MYT1L: variants seen among roughly 807,000 people sequenced by gnomAD.
MYT1L encodes myelin transcription factor 1-like protein.
Under a neutral mutation model 126.7 loss-of-function variants are expected in MYT1L, and 12 were observed. That is an observed-to-expected ratio of 0.09 (90% CI 0.06 to 0.15). The LOEUF is 0.15. Ranked by LOEUF, MYT1L falls within the 10% of genes least tolerant of loss-of-function variation. The pLI is 1.00. For missense variants in MYT1L, 979 were observed against 1,585.2 expected (o/e 0.62, Z 6.49); for synonymous variants, 541 against 604.2 (o/e 0.90, Z 1.53).
chr2:2,048,431 T>C (rs1433668576), intron 4 of MYT1L, among the ~76,000 whole-genome samples: 2 of 152,210 alleles, frequency 1.3e-5, no homozygotes, highest in African/African-American at 2.4e-5. Flanking sequence ...AGAAATTCTC[T>C]TGTGGAAAAT....
Position 1,806,608 on chromosome 2 carries a change from T to C in MYT1L, c.3172+2468A>G, listed in dbSNP as rs2147962307. On this transcript the variant is annotated intron_variant, in intron 22 of 24. Coordinates refer to ENST00000647738, the MANE Select transcript of MYT1L (RefSeq NM_001303052.2). This position sits in a 1 kb window ranked among gnomAD's most constrained non-coding sequence, Gnocchi z 4.9. ...TGAATTAACTCCTTGTGTGCAGCAG[T>C]AATAGGAATGTCTAGTGCCCTCAAT... 6.6e-6 allele frequency among the ~76,000 whole-genome samples: 1 copy of C among 152,240 alleles called. No homozygotes were observed. Among genetic ancestry groups the C allele is most frequent in the Non-Finnish European group, 1.5e-5 (1 of 68,024 alleles).
At chr2:2,038,725 T>C (rs1206708259) in intron 4 of MYT1L, among the ~76,000 whole-genome samples, 4 of 152,104 alleles carry the variant, frequency 2.6e-5, no homozygotes, top group African/African-American at 9.7e-5. Flanking sequence ...CTCCCTGGCA[T>C]GTGGAAAGGT....
chr2:2,265,372 A>T (rs1201650708), intron 2 of MYT1L, among the ~76,000 whole-genome samples: 1 of 151,790 alleles, frequency 6.6e-6, no homozygotes, highest in South Asian at 2.1e-4. Flanking sequence ...GGTTGTCATT[A>T]GAGTTAAATA....
At chr2:2,006,617 T>C (rs1835886) in intron 4 of MYT1L, among the ~76,000 whole-genome samples, 19,057 of 152,102 alleles carry the variant, frequency 0.13, 1,444 homozygotes, top group African/African-American at 0.19. Flanking sequence ...ACTCTGTCAA[T>C]CAGGCTGGAG....
intron 4 of MYT1L, among the ~76,000 whole-genome samples, chr2:2,037,626 C>T (rs551072579): frequency 6.6e-6 from 1 of 151,650 alleles, no homozygotes; most frequent in African/African-American, 2.4e-5. Flanking sequence ...CATGGTGGTG[C>T]ATGCCTGTAA....
chr2:1,950,770 G>A (rs369142201), intron 8 of MYT1L, among the ~76,000 whole-genome samples: 3 of 152,188 alleles, frequency 2.0e-5, no homozygotes, highest in African/African-American at 4.8e-5. Flanking sequence ...CCTAGGAGCC[G>A]TGGGAGCTCC....
intron 2 of MYT1L, among the ~76,000 whole-genome samples, chr2:2,280,997 G>T (rs1219071218): frequency 2.6e-5 from 4 of 152,168 alleles, no homozygotes; most frequent in Non-Finnish European, 5.9e-5. Flanking sequence ...GTACACAACC[G>T]TGGTGATATG....
rs1319300235 is a variant in MYT1L at position 1,929,918 on chromosome 2, C to T, written c.506-6655G>A. 6.6e-6 allele frequency among the ~76,000 whole-genome samples: 1 copy of T among 152,154 alleles called. No individual in the cohort carries two copies. Among genetic ancestry groups the T allele is most frequent in the African/African-American group, 2.4e-5 (1 of 41,430 alleles). Reference sequence around the variant, plus strand: ...TTTCCTCTACCTTTCAAAACCGGGACATATTCGGAGGGTCACAACGCAGTG... The same window carrying T: ...TTTCCTCTACCTTTCAAAACCGGGATATATTCGGAGGGTCACAACGCAGTG... On this transcript the variant is annotated intron_variant, in intron 9 of 24. Transcript: ENST00000647738. The surrounding 1 kb of genome is among the most constrained non-coding windows in gnomAD (Gnocchi z 4.7).
At chr2:2,298,344 T>C (rs551872899) in intron 1 of MYT1L, among the ~76,000 whole-genome samples, 91 of 152,284 alleles carry the variant, frequency 6.0e-4, no homozygotes, top group Middle Eastern at 3.4e-3. Context: ...TGATAAGAGA[T>C]GCAATGAGAG....
Position 1,922,201 on chromosome 2 carries a change from C to A in MYT1L, c.1483+85G>T, listed in dbSNP as rs767612692. 3.3e-6 allele frequency: 5 copies of A among 1,517,022 alleles called. No individual in the cohort carries two copies. The highest frequency in any genetic ancestry group is 1.8e-6 in the Non-Finnish European group (2 of 1,125,548). The allele number at this position is 1,517,022 out of a possible 1,614,324, so 94.0% of individuals were successfully genotyped here. A position where few individuals can be genotyped will look rare whatever the true frequency, so the allele number is the denominator to read the frequency against. On this transcript the variant is annotated intron_variant, in intron 10 of 24. Coordinates refer to ENST00000647738, the MANE Select transcript of MYT1L (RefSeq NM_001303052.2). The surrounding 1 kb of genome is among the most constrained non-coding windows in gnomAD (Gnocchi z 7.4). ...AGTAGAGACATAATTCAGTGTGAGTCACACTTTAACTGTAGACTACCACCA... is the reference window on the plus strand; with the variant it reads ...AGTAGAGACATAATTCAGTGTGAGTAACACTTTAACTGTAGACTACCACCA...
intron 2 of MYT1L, among the ~76,000 whole-genome samples, chr2:2,226,116 G>A (rs1030558839): frequency 3.9e-5 from 6 of 152,006 alleles, no homozygotes; most frequent in East Asian, 1.9e-4. Context: ...ATCTAGAGGC[G>A]GCAATGCAGG....
In MYT1L at chr2:1,793,631, G is replaced by C. The variant is rs553765579; in HGVS notation, c.3277-1167C>G. ...CCAGACCCTCTGTTAGAAAACTGAA[G>C]CACCTCAGAGGCGCCCTCCAGGATG... On this transcript the variant is annotated intron_variant, in intron 23 of 24. Transcript: ENST00000647738. The surrounding 1 kb of genome is among the most constrained non-coding windows in gnomAD (Gnocchi z 4.6). Among the ~76,000 whole-genome samples the C allele has an allele frequency of 6.6e-6, 1 of 152,306 alleles. No homozygotes were observed. Among genetic ancestry groups the C allele is most frequent in the Non-Finnish European group, 1.5e-5 (1 of 68,030 alleles).
At chr2:2,286,175 G>T (rs2095517400) in intron 1 of MYT1L, among the ~76,000 whole-genome samples, 1 of 152,106 alleles carries the variant, frequency 6.6e-6, no homozygotes, top group Non-Finnish European at 1.5e-5. Context: ...TAGAGACGGG[G>T]TTTCACCATG....
At chr2:2,196,543 T>C (rs11895765) in intron 2 of MYT1L, among the ~76,000 whole-genome samples, 6,051 of 151,242 alleles carry the variant, frequency 0.04, 421 homozygotes, top group African/African-American at 0.14. Context: ...CACATTATAA[T>C]ATGTGGTTTA....
chr2:2,235,064 C>T (rs1307645274), intron 2 of MYT1L, among the ~76,000 whole-genome samples: 1 of 152,174 alleles, frequency 6.6e-6, no homozygotes, highest in Non-Finnish European at 1.5e-5. Flanking sequence ...TGTCATAACC[C>T]ACCAATTTCT....
chr2:2,061,389 C>T (rs911817808), intron 3 of MYT1L, among the ~76,000 whole-genome samples: 60 of 152,226 alleles, frequency 3.9e-4, no homozygotes, highest in African/African-American at 1.4e-3. Flanking sequence ...CCCCTCTAAG[C>T]CGTTCTATTT....
intron 3 of MYT1L, among the ~76,000 whole-genome samples, chr2:2,116,677 C>T (rs2080246338): frequency 6.6e-6 from 1 of 152,242 alleles, no homozygotes; most frequent in African/African-American, 2.4e-5. Context: ...TTAGAAGATG[C>T]CTCTCAGATT....
At chr2:1,951,487 G>A (rs1020792547) in intron 8 of MYT1L, among the ~76,000 whole-genome samples, 1 of 152,118 alleles carries the variant, frequency 6.6e-6, no homozygotes, top group African/African-American at 2.4e-5. Context: ...ACAGACCTTC[G>A]GTCACATCCA....
intron 2 of MYT1L, among the ~76,000 whole-genome samples, chr2:2,219,565 T>C (rs1164997143): frequency 1.3e-5 from 2 of 152,260 alleles, no homozygotes; most frequent in Non-Finnish European, 2.9e-5. Context: ...ATGCTTATAC[T>C]GGTCCAAGCA....
Sources: allele counts gnomAD v4.1 joint callset (sites outside exome capture counted in the v4.1 genomes callset), GRCh38; gene constraint gnomAD v4.1.1; non-coding constraint Gnocchi (gnomAD v3.1); transcripts MANE v1.5; gene names NCBI Gene and HGNC (gene_info 2026-07-23, HGNC 2026-07-21).